GNA12: variants seen among roughly 807,000 people sequenced by gnomAD.
GNA12 encodes the protein guanine nucleotide-binding protein subunit alpha-12.
In GNA12, 9 loss-of-function variants were observed where a neutral mutation model predicts 26.0. The observed-to-expected ratio is 0.35, with a 90% CI of 0.21 to 0.60. The LOEUF is 0.60. Among genes scored for constraint, GNA12 ranks in the 20% least tolerant of loss-of-function variants. The pLI is 0.78. For synonymous variants in GNA12, 264 were observed against 219.6 expected (o/e 1.20, Z -1.79); for missense variants, 405 against 525.8 (o/e 0.77, Z 2.25).
intron 2 of GNA12, among the ~76,000 whole-genome samples, chr7:2,747,126 T>C (rs1446399244): frequency 6.6e-6 from 1 of 152,178 alleles, no homozygotes; most frequent in African/African-American, 2.4e-5. Flanking sequence ...TCTGAAACTA[T>C]TCCAATCAAT....
chr7:2,802,145 C>G (rs538353205), intron 1 of GNA12, among the ~76,000 whole-genome samples: 1 of 151,904 alleles, frequency 6.6e-6, no homozygotes, highest in East Asian at 1.9e-4. Flanking sequence ...TCTTTAATAG[C>G]TAAGAGAAAA....
At chr7:2,841,232 A>G (rs1778980390) in intron 1 of GNA12, among the ~76,000 whole-genome samples, 1 of 152,170 alleles carries the variant, frequency 6.6e-6, no homozygotes, top group African/African-American at 2.4e-5. Context: ...GCTCACTGCA[A>G]GCTCCGCCTC....
At chr7:2,812,636 A>AACATCACATCACATC (rs3831678) in intron 1 of GNA12, among the ~76,000 whole-genome samples, 3,389 of 134,176 alleles carry the variant, frequency 0.025, 210 homozygotes, top group Middle Eastern at 0.042. Context: ...TCTCAAAAAT[A>AACATCACATCACATC]ACATCACATC....
chr7:2,746,181 C>A (rs1216752513), intron 2 of GNA12, among the ~76,000 whole-genome samples: 1 of 152,180 alleles, frequency 6.6e-6, no homozygotes, highest in Non-Finnish European at 1.5e-5. Flanking sequence ...TAATAGACAT[C>A]TACGGAACTC....
chr7:2,786,594 G>A (rs1333640708), intron 2 of GNA12, among the ~76,000 whole-genome samples: 1 of 152,202 alleles, frequency 6.6e-6, no homozygotes, highest in East Asian at 1.9e-4. Flanking sequence ...TAAGCATATA[G>A]AAGTCTAAAG....
chr7:2,768,691 A>AAAC (rs1554258744), intron 2 of GNA12, among the ~76,000 whole-genome samples: 2,293 of 142,636 alleles, frequency 0.016, 92 homozygotes, highest in African/African-American at 0.054. Context: ...ACAAAACAAA[A>AAAC]AAAAAAACAG....
At position 2,794,962 on chromosome 7, in the gene GNA12, C is replaced by T. The variant is rs1256491972; in HGVS notation, c.491G>A (p.Arg164Lys). 1 of 1,614,106 alleles carries T rather than the reference C, an allele frequency of 6.2e-7. No homozygotes were observed. Among genetic ancestry groups the T allele is most frequent in the Non-Finnish European group, 8.5e-7 (1 of 1,180,036 alleles). Residue 164 changes from arginine to lysine, a missense_variant, in exon 2 of 4, where the codon AGG becomes AAG. Coordinates refer to ENST00000275364, the MANE Select transcript of GNA12 (RefSeq NM_007353.3). Reference protein sequence around the residue: ...LSALWRDSGIREAFSRRSEFQ... With the variant: ...LSALWRDSGIKEAFSRRSEFQ... Reference sequence around the variant, plus strand: ...CTCGCTTCTCCGGCTGAAAGCCTCCCTGATGCCAGAATCCCTCCAGAGTGC... The same window carrying T: ...CTCGCTTCTCCGGCTGAAAGCCTCCTTGATGCCAGAATCCCTCCAGAGTGC...
intron 2 of GNA12, among the ~76,000 whole-genome samples, chr7:2,736,252 C>T (rs1790168827): frequency 6.6e-6 from 1 of 152,314 alleles, no homozygotes; most frequent in East Asian, 1.9e-4. Context: ...GCCCAGAGTC[C>T]TCTCAACGGC....
intron 2 of GNA12, among the ~76,000 whole-genome samples, chr7:2,790,234 T>C (rs1404163351): frequency 1.3e-5 from 2 of 152,184 alleles, no homozygotes; most frequent in Non-Finnish European, 2.9e-5. Flanking sequence ...ATGCTTAACA[T>C]AGCCTGATTA....
intron 2 of GNA12, among the ~76,000 whole-genome samples, chr7:2,748,994 T>A (rs889567281): frequency 5.3e-5 from 8 of 152,138 alleles, no homozygotes; most frequent in African/African-American, 1.9e-4. Flanking sequence ...TGGTGATCAT[T>A]AAAAAGTCAG....
chr7:2,739,314 C>T (rs930373789), intron 2 of GNA12, among the ~76,000 whole-genome samples: 3 of 152,096 alleles, frequency 2.0e-5, no homozygotes, highest in African/African-American at 7.3e-5. Context: ...CCTGACAACA[C>T]GAATCTGCTT....
intron 2 of GNA12, among the ~76,000 whole-genome samples, chr7:2,761,716 A>C (rs1403364010): frequency 6.6e-6 from 1 of 152,242 alleles, no homozygotes; most frequent in Non-Finnish European, 1.5e-5. Context: ...GAATTTGCTT[A>C]AAAAACAATG....
intron 1 of GNA12, among the ~76,000 whole-genome samples, chr7:2,819,060 C>T (rs562184548): frequency 4.6e-5 from 7 of 152,108 alleles, no homozygotes; most frequent in African/African-American, 2.4e-5. Flanking sequence ...GATTACCCTG[C>T]GAGCCTGATG....
chr7:2,792,749 T>C (rs1158848163), intron 2 of GNA12, among the ~76,000 whole-genome samples: 1 of 152,232 alleles, frequency 6.6e-6, no homozygotes, highest in Non-Finnish European at 1.5e-5. Flanking sequence ...TTCTTTTACC[T>C]TAACTGTTAA....
At chr7:2,742,928 G>C (rs573556757) in intron 2 of GNA12, among the ~76,000 whole-genome samples, 2 of 152,206 alleles carry the variant, frequency 1.3e-5, no homozygotes, top group Non-Finnish European at 2.9e-5. Flanking sequence ...TAATAGACCT[G>C]TAGGTTCTTC....
At chr7:2,814,855 C>T (rs748721817) in intron 1 of GNA12, 1 of 1,598,374 alleles carries the variant, frequency 6.3e-7, no homozygotes, top group Non-Finnish European at 8.5e-7. Context: ...GTGCACTGCT[C>T]CCCTCCACAG....
At chr7:2,780,530 T>C (rs150979798) in intron 2 of GNA12, among the ~76,000 whole-genome samples, 34 of 152,294 alleles carry the variant, frequency 2.2e-4, no homozygotes, top group Middle Eastern at 3.4e-3. Context: ...AAGCAACCAC[T>C]GTCTTGATGC....
chr7:2,756,588 CTGAG>C (rs1361334662), intron 2 of GNA12, among the ~76,000 whole-genome samples: 5 of 151,216 alleles, frequency 3.3e-5, no homozygotes, highest in African/African-American at 1.2e-4. Context: ...GCACTACAGC[CTGAG>C]TGAGACCCTG....
At chr7:2,816,318 C>G (rs1486943623) in intron 1 of GNA12, among the ~76,000 whole-genome samples, 2 of 152,024 alleles carry the variant, frequency 1.3e-5, no homozygotes, top group East Asian at 1.9e-4. Context: ...GCGACCACCA[C>G]CTCCCTAGTT....
Sources: gnomAD v4.1 joint callset for allele counts (sites outside exome capture counted in the v4.1 genomes callset) on GRCh38, gnomAD v4.1.1 for gene constraint, MANE v1.5 for transcripts, NCBI Gene and HGNC (gene_info 2026-07-23, HGNC 2026-07-21) for gene names.